The following MBD5 variants were observed in gnomAD, a reference collection of about 807,000 sequenced individuals.
MBD5 encodes methyl-CpG binding domain protein 5, also known as methyl-CpG-binding domain protein 5.
MBD5 carries 13 observed loss-of-function variants against 117.3 expected under a neutral mutation model. The ratio of observed to expected loss-of-function variants is 0.11; its 90% CI spans 0.07 to 0.18. MBD5 has a LOEUF of 0.18. Ranked by LOEUF, MBD5 falls within the 10% of genes least tolerant of loss-of-function variation. The probability of loss-of-function intolerance (pLI) is 1.00; values close to 1 mark genes in which losing one functional copy is unlikely to be tolerated. For synonymous variants in MBD5, 727 were observed against 766.4 expected, an observed-to-expected ratio of 0.95 and a Z score of 0.85; for missense variants, 1,879 against 2,093.8, an observed-to-expected ratio of 0.90 and a Z score of 2.00.
intron 1 of MBD5, among the ~76,000 whole-genome samples, chr2:148,152,971 A>T (rs1002696143): frequency 2.0e-5 from 3 of 150,610 alleles, no homozygotes; most frequent in Non-Finnish European, 3.0e-5. Flanking sequence ...TGTGAATTTG[A>T]TCCTGTCATT....
At position 148,443,647 on chromosome 2, in the gene MBD5, A is replaced by G. The variant is rs114515838; in HGVS notation, c.-556-14556A>G. ...GAAATAAGCCAGGTGCACAAAGACA[A>G]ACTTCACATGTTCTCACTTATTTGT... is the stretch of plus-strand genomic sequence containing the variant. On this transcript the variant is annotated intron_variant, in intron 4 of 13. Coordinates refer to ENST00000642680, the MANE Select transcript of MBD5 (RefSeq NM_001378120.1). Among the ~76,000 whole-genome samples, 1,347 of 151,472 alleles carry G rather than the reference A, an allele frequency of 8.9e-3. 88 individuals are homozygous for G. Among genetic ancestry groups the G allele is most frequent in the African/African-American group, 0.032 (1,296 of 40,792 alleles).
intron 1 of MBD5, among the ~76,000 whole-genome samples, chr2:148,149,389 G>A (rs1385542047): frequency 8.5e-5 from 12 of 140,848 alleles, no homozygotes; most frequent in South Asian, 2.4e-4. Flanking sequence ...GAATAATGCC[G>A]CAATAAACAT....
intron 1 of MBD5, among the ~76,000 whole-genome samples, chr2:148,145,537 G>A (rs957933495): frequency 2.6e-5 from 4 of 152,148 alleles, no homozygotes; most frequent in African/African-American, 9.7e-5. Context: ...TGTTTTCAAA[G>A]GGAATGCTTC....
At chr2:148,391,282 T>TA (rs5835187) in intron 4 of MBD5, among the ~76,000 whole-genome samples, 78,252 of 151,954 alleles carry the variant, frequency 0.51, 20,362 homozygotes, top group East Asian at 0.75. Flanking sequence ...CAGTATTTAC[T>TA]GGGAAAATAT....
At chr2:148,482,908 TTTA>T (rs762927148) in intron 8 of MBD5, among the ~76,000 whole-genome samples, 199 bp from the exon 9 acceptor site, 1 of 152,188 alleles carries the variant, frequency 6.6e-6, no homozygotes, top group Non-Finnish European at 1.5e-5. Flanking sequence ...CTTCAATATA[TTTA>T]TTTTCAAAAG....
chr2:148,113,390 C>T (rs1009141754), intron 1 of MBD5, among the ~76,000 whole-genome samples: 6 of 152,110 alleles, frequency 3.9e-5, no homozygotes, highest in African/African-American at 1.4e-4. Context: ...TACTCTCTAA[C>T]TTATACTATT....
intron 7 of MBD5, 64 bp from the exon 8 acceptor site, chr2:148,468,277 C>A: frequency 7.2e-7 from 1 of 1,391,184 alleles, no homozygotes; most frequent in Non-Finnish European, 1.0e-6. Flanking sequence ...CCATTCCTTC[C>A]CTCCCTCCCA....
At chr2:148,314,616 G>T (rs1702115090) in intron 3 of MBD5, among the ~76,000 whole-genome samples, 1 of 152,002 alleles carries the variant, frequency 6.6e-6, no homozygotes, top group Non-Finnish European at 1.5e-5. Context: ...GGCCTCAGGT[G>T]ATCCACCCTC....
chr2:148,286,841 T>A (rs1701379372), intron 3 of MBD5, among the ~76,000 whole-genome samples: 3 of 152,154 alleles, frequency 2.0e-5, no homozygotes, highest in Admixed American at 6.5e-5. Flanking sequence ...GTAAGTTTAG[T>A]GGTACTTACT....
chr2:148,025,700 A>C (rs1693872352), intron 1 of MBD5: 1 of 152,112 alleles, frequency 6.6e-6, no homozygotes, highest in African/African-American at 2.4e-5. Context: ...TTTTCTACCA[A>C]ATTTTAGCAA....
chr2:148,500,568 A>G (rs1681841503), intron 11 of MBD5, among the ~76,000 whole-genome samples: 1 of 152,232 alleles, frequency 6.6e-6, no homozygotes, highest in African/African-American at 2.4e-5. Flanking sequence ...TAAAAATTGA[A>G]GACTTAAAAA....
intron 1 of MBD5, among the ~76,000 whole-genome samples, chr2:148,152,192 TA>T (rs1697695005): frequency 6.6e-6 from 1 of 152,248 alleles, no homozygotes; most frequent in Non-Finnish European, 1.5e-5. Context: ...TTCATCTCGT[TA>T]TGTACCCAGT....
At chr2:148,171,733 CA>C (rs1445668247) in intron 1 of MBD5, among the ~76,000 whole-genome samples, 2 of 152,018 alleles carry the variant, frequency 1.3e-5, no homozygotes, top group African/African-American at 2.4e-5. Flanking sequence ...CAGATTCTAC[CA>C]AAAAACTATT....
chr2:148,378,831 A>G (rs923739590), intron 4 of MBD5, among the ~76,000 whole-genome samples: 3 of 152,088 alleles, frequency 2.0e-5, no homozygotes, highest in Admixed American at 2.0e-4. Context: ...GTAATTACAA[A>G]TGTATAGTTA....
At chr2:148,124,656 G>C (rs1180840966) in intron 1 of MBD5, among the ~76,000 whole-genome samples, 1 of 152,130 alleles carries the variant, frequency 6.6e-6, no homozygotes, top group Non-Finnish European at 1.5e-5. Flanking sequence ...GTTGTTCCTG[G>C]AGTGTTAAGG....
rs1464963607 is a variant in MBD5 at position 148,327,023 on chromosome 2, G to A, written c.-679-15191G>A. 2.0e-5 allele frequency among the ~76,000 whole-genome samples: 3 copies of A among 151,982 alleles called. No individual in the cohort carries two copies. In the East Asian group the frequency reaches 5.8e-4, roughly 29 times the overall value. The stretch of plus-strand genomic sequence containing the variant: ...TGCTTCCTTCAGGAGCTCTTTTAGG[G>A]AAGGCCTGGTGGTGACAAAATCTCT... On this transcript the variant is annotated intron_variant, in intron 3 of 13. Transcript: ENST00000642680.
rs139911474 is a variant in MBD5 at position 148,470,395 on chromosome 2, A to G, written c.2452A>G (p.Thr818Ala). Residue 818 changes from threonine to alanine, a missense_variant, in exon 8 of 14, where the codon ACG becomes GCG. This residue lies in a region of MBD5 where 1,666 missense variants were observed against 1,792.2 expected (regional missense o/e 0.93). Coordinates refer to ENST00000642680, the MANE Select transcript of MBD5 (RefSeq NM_001378120.1). Reference protein sequence around the residue: ...HPNPPQSRISTSSTPVIPNSI... With the variant: ...HPNPPQSRISASSTPVIPNSI... ...CAATCCACCTCAGTCAAGAATTTCA[A>G]CGTCCTCCACTCCAGTGATACCAAA... 3.1e-6 allele frequency: 5 copies of G among 1,613,484 alleles called. No homozygotes were observed. In the African/African-American group the frequency reaches 6.7e-5, roughly 22 times the overall value.
chr2:148,094,045 G>A (rs1024248375), intron 1 of MBD5, among the ~76,000 whole-genome samples: 2 of 152,184 alleles, frequency 1.3e-5, no homozygotes, highest in African/African-American at 4.8e-5. Flanking sequence ...GAGAGCTGAA[G>A]AGACATGCCC....
intron 4 of MBD5, among the ~76,000 whole-genome samples, chr2:148,358,742 C>T (rs1043093569): frequency 1.3e-5 from 2 of 151,682 alleles, no homozygotes; most frequent in Non-Finnish European, 2.9e-5. Flanking sequence ...CTGCAGTGAG[C>T]GGCATGCCAC....
Sources: allele counts gnomAD v4.1 joint callset (sites outside exome capture counted in the v4.1 genomes callset), GRCh38; gene constraint gnomAD v4.1.1; regional missense constraint gnomAD v4.1.1; transcripts MANE v1.5; gene names NCBI Gene and HGNC (gene_info 2026-07-23, HGNC 2026-07-21).